WDR4: variants seen among roughly 807,000 people sequenced by gnomAD.
WDR4 encodes tRNA (guanine-N(7)-)-methyltransferase non-catalytic subunit WDR4.
WDR4 carries 47 observed loss-of-function variants against 48.6 expected under a neutral mutation model. The observed-to-expected ratio is 0.97, with a 90% confidence interval of 0.77 to 1.23. WDR4 has a LOEUF of 1.23. Ranked by LOEUF, WDR4 falls within the 50% of genes most tolerant of loss-of-function variation. The probability of loss-of-function intolerance (pLI) is 0.00; values close to 1 mark genes in which losing one functional copy is unlikely to be tolerated. For missense variants in WDR4, 606 were observed against 551.6 expected, an observed-to-expected ratio of 1.10 and a Z score of -0.99; for synonymous variants, 268 against 230.0, an observed-to-expected ratio of 1.17 and a Z score of -1.49.
chr21:42,877,620 C>G (rs934046610), intron 1 of WDR4, among the ~76,000 whole-genome samples: 1 of 151,870 alleles, frequency 6.6e-6, no homozygotes, highest in Non-Finnish European at 1.5e-5. Context: ...TGCTTAATCT[C>G]TTATTGGAGT....
chr21:42,863,918 AAC>A (rs1230892254), intron 3 of WDR4, among the ~76,000 whole-genome samples: 1 of 82,916 alleles, frequency 1.2e-5, no homozygotes. Context: ...CATTCTGGCT[AAC>A]ACGGTGAAAA....
upstream of WDR4, among the ~76,000 whole-genome samples, chr21:42,880,509 T>C (rs780991799): frequency 1.8e-4 from 27 of 152,168 alleles, no homozygotes; most frequent in Non-Finnish European, 3.8e-4. Flanking sequence ...AATACTTGCA[T>C]GTGAAAATGA....
At chr21:42,871,622 T>C (rs2058370709) in intron 3 of WDR4, among the ~76,000 whole-genome samples, 1 of 152,316 alleles carries the variant, frequency 6.6e-6, no homozygotes, top group South Asian at 2.1e-4. Context: ...GAAGCAGCCA[T>C]TTATTATCAG....
chr21:42,857,119 G>A (rs2058014561), intron 6 of WDR4, among the ~76,000 whole-genome samples: 1 of 152,078 alleles, frequency 6.6e-6, no homozygotes, highest in African/African-American at 2.4e-5. Context: ...TCTTTACAAA[G>A]AGAAACGGGA....
At chr21:42,879,382 T>G in intron 1 of WDR4, 25 bp downstream of exon 1, 1 of 1,610,892 alleles carries the variant, frequency 6.2e-7, no homozygotes, top group Non-Finnish European at 8.5e-7. Context: ...CTGGTCTCCC[T>G]GTTCCAAGAC....
rs537320957 is a variant in WDR4 at position 42,863,592 on chromosome 21, C to T, written c.301G>A (p.Val101Met). The T allele has an allele frequency of 6.8e-6, 11 of 1,613,078 alleles. No individual in the cohort carries two copies. Among genetic ancestry groups the T allele is most frequent in the Non-Finnish European group, 9.3e-6 (11 of 1,179,532 alleles). ...GTCAGGGCTGTACACCTCCTTGCCA[C>T]GGTCCTAGAAGGCCAGAAAGACACC... ...KPWQCLSVRT[V>M]ARRCTALTFI... Residue 101 changes from valine (V) to methionine (M), a missense_variant, in exon 4 of 11, where the codon GTG (valine) becomes ATG (methionine). Transcript: ENST00000398208.
intron 11 of WDR4, among the ~76,000 whole-genome samples, chr21:42,844,010 C>T (rs2057689140): frequency 6.6e-6 from 1 of 152,062 alleles, no homozygotes; most frequent in African/African-American, 2.4e-5. Flanking sequence ...TTTTTAAATA[C>T]CAAAACCAAA....
Position 42,849,923 on chromosome 21 carries a change from C to A in WDR4, c.*126G>T. Reference sequence around the variant, plus strand: ...TTCTTTCTAGAGCCCAGGGGACAGCCCCATCCTCTGAGCTGGTCACAACTG... The same window carrying A: ...TTCTTTCTAGAGCCCAGGGGACAGCACCATCCTCTGAGCTGGTCACAACTG... On this transcript the variant is annotated 3_prime_UTR_variant, in exon 11 of 11. Coordinates refer to ENST00000398208, the MANE Select transcript of WDR4 (RefSeq NM_018669.6). 3 of 1,177,416 alleles carry A rather than the reference C, an allele frequency of 2.5e-6. No homozygotes were observed. Among genetic ancestry groups the A allele is most frequent in the Non-Finnish European group, 3.6e-6 (3 of 827,556 alleles). The allele number at this position is 1,177,416 out of a possible 1,614,324, so 72.9% of individuals were successfully genotyped here. A position where few individuals can be genotyped will look rare whatever the true frequency, so the allele number is the denominator to read the frequency against.
chr21:42,863,426 C>G lies in WDR4; in HGVS notation c.453+14G>C. 6.2e-7 allele frequency: 1 copy of G among 1,602,492 alleles called. No homozygotes were observed. The highest frequency in any genetic ancestry group is 8.5e-7 in the Non-Finnish European group (1 of 1,172,096). On this transcript the variant is annotated intron_variant, in intron 4 of 10. Transcript: ENST00000398208. ...CACCTGCCATGTCCCCCACCTACCA[C>G]GTCCCCCACCTACCACATCTAACAG...
At chr21:42,889,749 T>G in the WDR4 span, among the ~76,000 whole-genome samples, 1 of 152,318 alleles carries the variant, frequency 6.6e-6, no homozygotes, top group African/African-American at 2.4e-5. Flanking sequence ...TTCCATAACT[T>G]TTTTTCTTTT....
Position 42,850,041 on chromosome 21 carries a change from C to G in WDR4, c.*8G>C. On this transcript the variant is annotated 3_prime_UTR_variant, in exon 11 of 11. Coordinates refer to ENST00000398208, the MANE Select transcript of WDR4 (RefSeq NM_018669.6). Reference sequence around the variant, plus strand: ...ATTTGAGGTGAGAGACACCACTGACCGCCACGATCAGCAACTTAGCGTCGC... The same window carrying G: ...ATTTGAGGTGAGAGACACCACTGACGGCCACGATCAGCAACTTAGCGTCGC... 1 of 1,613,284 alleles carries G rather than the reference C, an allele frequency of 6.2e-7. No homozygotes were observed. Among genetic ancestry groups the G allele is most frequent in the Non-Finnish European group, 8.5e-7 (1 of 1,179,782 alleles).
downstream of WDR4, among the ~76,000 whole-genome samples, chr21:42,847,769 A>G (rs1192547953): frequency 6.6e-6 from 1 of 152,252 alleles, no homozygotes; most frequent in Non-Finnish European, 1.5e-5. Context: ...AATGTAAAAA[A>G]GCCATTCACA....
downstream of WDR4, among the ~76,000 whole-genome samples, chr21:42,844,316 A>G (rs2057692003): frequency 6.6e-6 from 1 of 152,154 alleles, no homozygotes; most frequent in Admixed American, 6.6e-5. Flanking sequence ...ACATACCCTA[A>G]AGCTTATCAA....
upstream of WDR4, among the ~76,000 whole-genome samples, chr21:42,882,592 GT>G (rs1286111679): frequency 6.6e-6 from 1 of 151,948 alleles, no homozygotes; most frequent in Admixed American, 6.6e-5. Flanking sequence ...CTTATGGATT[GT>G]TGTGTTGTAT....
chr21:42,885,003 T>C, the WDR4 span, among the ~76,000 whole-genome samples: 4 of 152,138 alleles, frequency 2.6e-5, no homozygotes, highest in East Asian at 7.8e-4. Context: ...CTCGAATGCC[T>C]GACTTCAAGT....
intron 10 of WDR4, 140 bp from the exon 11 acceptor site, chr21:42,850,382 G>C (rs2057794050): frequency 1.4e-6 from 1 of 701,704 alleles, no homozygotes; most frequent in South Asian, 2.2e-5. Flanking sequence ...TTCTGGGACG[G>C]CTCCCCACGG....
chr21:42,883,274 C>CAAAAAAA (rs56707881), upstream of WDR4, among the ~76,000 whole-genome samples: 1 of 77,762 alleles, frequency 1.3e-5, no homozygotes, highest in Non-Finnish European at 2.3e-5. Context: ...GACTCTGTCT[C>CAAAAAAA]AAAAAAAAAA....
At chr21:42,851,109 G>A (rs2057816224) in intron 10 of WDR4, among the ~76,000 whole-genome samples, 1 of 152,226 alleles carries the variant, frequency 6.6e-6, no homozygotes, top group African/African-American at 2.4e-5. Flanking sequence ...CATCTCAGGA[G>A]AGCGAGCCCA....
chr21:42,872,709 C>T (rs1252985597), intron 3 of WDR4, among the ~76,000 whole-genome samples: 4 of 151,712 alleles, frequency 2.6e-5, no homozygotes, highest in South Asian at 2.1e-4. Flanking sequence ...CCGAGGCCAG[C>T]GGATCACCTG....
Sources: gnomAD v4.1 joint callset for allele counts (sites outside exome capture counted in the v4.1 genomes callset) on GRCh38, gnomAD v4.1.1 for gene constraint, MANE v1.5 for transcripts, NCBI Gene and HGNC (gene_info 2026-07-23, HGNC 2026-07-21) for gene names.